Variants in PLPP2 observed in about 807,000 individuals in gnomAD.
The protein encoded by PLPP2 is phospholipid phosphatase 2, also known as PAP2-gamma.
A neutral mutation model predicts 35.2 loss-of-function variants in PLPP2; 29 were observed. That is an observed-to-expected ratio of 0.82 (90% CI 0.61 to 1.12). The LOEUF (loss-of-function observed/expected upper bound fraction) is 1.12, where lower values mean the gene tolerates loss of function less well. Ranked by LOEUF, PLPP2 falls within the 50% of genes most tolerant of loss-of-function variation. The probability of loss-of-function intolerance (pLI) is 0.00; values close to 1 mark genes in which losing one functional copy is unlikely to be tolerated. For missense variants in PLPP2, 353 were observed against 375.2 expected (o/e 0.94, Z 0.49); for synonymous variants, 162 against 167.0 (o/e 0.97, Z 0.23).
intron 3 of PLPP2, chr19:286,681 G>C (rs1250465068): frequency 6.6e-6 from 1 of 151,862 alleles, no homozygotes; most frequent in Non-Finnish European, 1.5e-5. Context: ...CAGAGATCTG[G>C]CTGGATGTGG....
chr19:282,899 C>T (rs187183516), intron 3 of PLPP2, 90 bp from the exon 4 acceptor site: 39 of 1,208,284 alleles, frequency 3.2e-5, no homozygotes, highest in East Asian at 3.1e-4. Flanking sequence ...GGGCTCGACA[C>T]GGAGGCTGCT....
chr19:284,586 C>T (rs1167948101), intron 3 of PLPP2: 2 of 151,944 alleles, frequency 1.3e-5, no homozygotes, highest in African/African-American at 4.8e-5. Context: ...TAGACAAACA[C>T]TTTTAGTTAG....
At chr19:289,017 G>A (rs1019578519) in intron 1 of PLPP2, among the ~76,000 whole-genome samples, 12 of 152,226 alleles carry the variant, frequency 7.9e-5, no homozygotes, top group African/African-American at 2.9e-4. Flanking sequence ...GTGGTGACCA[G>A]GACAGACCCA....
intron 1 of PLPP2, among the ~76,000 whole-genome samples, chr19:289,539 C>A (rs1343148193): frequency 6.6e-6 from 1 of 151,958 alleles, no homozygotes; most frequent in Non-Finnish European, 1.5e-5. Flanking sequence ...CACGGTGAAA[C>A]CCCAACTCTA....
intron 1 of PLPP2, among the ~76,000 whole-genome samples, chr19:289,381 T>A: frequency 6.6e-6 from 1 of 152,088 alleles, no homozygotes; most frequent in East Asian, 1.9e-4. Context: ...GGAAATAATC[T>A]GGTGAAGAAA....
intron 3 of PLPP2, chr19:284,163 G>C (rs530389507): frequency 6.6e-6 from 1 of 152,262 alleles, no homozygotes; most frequent in East Asian, 1.9e-4. Flanking sequence ...AGACCATCCT[G>C]GCCCACACGG....
At chr19:284,226 T>G (rs1970230821) in intron 3 of PLPP2, 1 of 152,066 alleles carries the variant, frequency 6.6e-6, no homozygotes, top group African/African-American at 2.4e-5. Context: ...TGGTAGCACA[T>G]GCCTGTAGTC....
In PLPP2 at chr19:288,146, C is replaced by A; in HGVS notation, c.78G>T (p.Thr26=). Residue 26 remains threonine (T), a synonymous_variant, in exon 2 of 6, where the codon ACG becomes ACT. Transcript: ENST00000434325. ...CTCGCTTGTACGGGGCGTTCACCAG[C>A]GTCAGGATAGCGAAGGGCAGGGAGG... ...LVASLPFAIL[T]LVNAPYKRGF... The A allele has an allele frequency of 1.2e-6, 2 of 1,600,582 alleles. No homozygotes were observed. Among genetic ancestry groups the A allele is most frequent in the Non-Finnish European group, 1.7e-6 (2 of 1,170,928 alleles).
At chr19:289,717 A>G (rs573728104) in intron 1 of PLPP2, among the ~76,000 whole-genome samples, 2 of 152,100 alleles carry the variant, frequency 1.3e-5, no homozygotes, top group African/African-American at 4.8e-5. Flanking sequence ...AGAAAAAAAA[A>G]GGGCAGCGCC....
chr19:282,869 C>T (rs368979165), intron 3 of PLPP2, 60 bp from the exon 4 acceptor site: 109 of 1,516,074 alleles, frequency 7.2e-5, no homozygotes, highest in Non-Finnish European at 9.1e-5. Context: ...CCCTTGTCCC[C>T]GCCCCGCCCA....
chr19:282,641 C>G, intron 4 of PLPP2, 111 bp downstream of exon 4: 27 of 1,172,790 alleles, frequency 2.3e-5, no homozygotes, highest in Non-Finnish European at 3.3e-5. Flanking sequence ...CAGTTAGCCC[C>G]CCTCACCACC....
At chr19:281,633 G>C (rs1363268560) in intron 5 of PLPP2, 96 bp from the exon 6 acceptor site, 1 of 1,187,400 alleles carries the variant, frequency 8.4e-7, no homozygotes, top group Middle Eastern at 2.2e-4. Flanking sequence ...GTCCCAGGTG[G>C]GAGCGAGGGG....
chr19:287,563 G>A lies in PLPP2; in HGVS notation c.393C>T (p.Cys131=), dbSNP rs781758536. ...AGTTGACCCGGCTCCAGTCGGGGTC[G>A]CAGACGGCTAGGAAGTTGGGCCTCA... The part of the protein sequence containing the change: ...GRLRPNFLAV[C]DPDWSRVNCS... Residue 131 remains cysteine, a synonymous_variant, in exon 3 of 6, where the codon TGC becomes TGT. Transcript: ENST00000434325. The surrounding 1 kb of genome is among the most constrained non-coding windows in gnomAD (Gnocchi z 4.3). The A allele has an allele frequency of 1.4e-5, 22 of 1,613,766 alleles. No individual in the cohort carries two copies. The highest frequency in any genetic ancestry group is 2.2e-5 in the East Asian group (1 of 44,882).
chr19:289,453 G>A (rs997903033), intron 1 of PLPP2, among the ~76,000 whole-genome samples: 8 of 96,834 alleles, frequency 8.3e-5, no homozygotes, highest in African/African-American at 2.4e-4. Flanking sequence ...GGGCAGGCCC[G>A]GCGTGGTGGC....
intron 4 of PLPP2, 53 bp downstream of exon 4, chr19:282,699 A>T (rs932523276): frequency 1.3e-6 from 2 of 1,546,232 alleles, no homozygotes; most frequent in Non-Finnish European, 1.8e-6. Flanking sequence ...CAGGGAAGGG[A>T]GTGATTTAGC....
Position 282,777 on chromosome 19 carries a change from C to T in PLPP2, c.515G>A (p.Gly172Glu). Reference protein sequence around the residue: ...LSFYSGHSSFGMYCMVFLALY... With the variant: ...LSFYSGHSSFEMYCMVFLALY... ...CGCCAAGAACACCATGCAGTACATC[C>T]CAAAGGAAGAGTGTCCCGAGTAGAA... is the stretch of plus-strand genomic sequence containing the variant. Residue 172 changes from glycine (G) to glutamate (E), a missense_variant, in exon 4 of 6, where the codon GGG becomes GAG. By Grantham distance (98) the Gly-to-Glu change is moderately conservative. Coordinates refer to ENST00000434325, the MANE Select transcript of PLPP2 (RefSeq NM_003712.4). 1 of 1,613,806 alleles carries T rather than the reference C, an allele frequency of 6.2e-7. No individual in the cohort carries two copies. Among genetic ancestry groups the T allele is most frequent in the Non-Finnish European group, 8.5e-7 (1 of 1,179,882 alleles).
In PLPP2 at chr19:288,157, C is replaced by T. The variant is rs368333402; in HGVS notation, c.67G>A (p.Ala23Thr). The change falls in exon 2 of 6, where the codon GCT becomes ACT. Residue 23 changes from alanine (A) to threonine (T), a missense_variant. Coordinates refer to ENST00000434325, the MANE Select transcript of PLPP2 (RefSeq NM_003712.4). Reference protein sequence around the residue: ...LCLLVASLPFAILTLVNAPYK... With the variant: ...LCLLVASLPFTILTLVNAPYK... ...GGGGCGTTCACCAGCGTCAGGATAG[C>T]GAAGGGCAGGGAGGCTGGTGGGGAA... is the stretch of plus-strand genomic sequence containing the variant. 1.6e-5 allele frequency: 26 copies of T among 1,589,476 alleles called. No homozygotes were observed. The highest frequency in any genetic ancestry group is 6.8e-5 in the South Asian group (6 of 88,644).
chr19:290,876 C>A lies in PLPP2; in HGVS notation c.52+409G>T, dbSNP rs867141219. On this transcript the variant is annotated intron_variant, in intron 1 of 5. Coordinates refer to ENST00000434325, the MANE Select transcript of PLPP2 (RefSeq NM_003712.4). ...TCTCCGCGCGCAGCGGGAGCGCCCA[C>A]CCCAGGGGCGGAGGCGCGGACGTCC... 14 of 1,144,456 alleles carry A rather than the reference C, an allele frequency of 1.2e-5. No individual in the cohort carries two copies. In the African/African-American group the frequency reaches 1.8e-4, roughly 14 times the overall value. The allele number at this position is 1,144,456 out of a possible 1,614,324, so 70.9% of individuals were successfully genotyped here.
chr19:281,391 G>A lies in PLPP2; in HGVS notation c.864C>T (p.Ser288=). 1 of 1,405,482 alleles carries A rather than the reference G, an allele frequency of 7.1e-7. No homozygotes were observed. The allele number at this position is 1,405,482 out of a possible 1,614,324, so 87.1% of individuals were successfully genotyped here. The change falls in exon 6 of 6, where the codon TCC becomes TCT. Residue 288 remains serine, a synonymous_variant. Coordinates refer to ENST00000434325, the MANE Select transcript of PLPP2 (RefSeq NM_003712.4). ...HNHYGYPHSS[S] ...CCTGCCTGGGCGGGGTCCGGCCTCA[G>A]GAGGAGGAGTGCGGGTATCCATAGT...
Sources: gnomAD v4.1 joint callset for allele counts (sites outside exome capture counted in the v4.1 genomes callset) on GRCh38, gnomAD v4.1.1 for gene constraint, Gnocchi (gnomAD v3.1) non-coding constraint, MANE v1.5 for transcripts, NCBI Gene and HGNC (gene_info 2026-07-23, HGNC 2026-07-21) for gene names.